Variants in ERI2 observed in about 807,000 individuals in gnomAD.
The protein encoded by ERI2 is ERI1 exoribonuclease family member 2.
ERI2 carries 35 observed loss-of-function variants against 46.8 expected under a neutral mutation model. That is an observed-to-expected ratio of 0.75 (90% confidence interval 0.57 to 0.99). ERI2 has a LOEUF of 0.99. Among genes scored for constraint, ERI2 ranks in the 50% least tolerant of loss-of-function variants. The pLI, the probability that ERI2 is intolerant of heterozygous loss-of-function variation, is 0.00. For synonymous variants in ERI2, 224 were observed against 271.0 expected (o/e 0.83, Z 1.70); for missense variants, 695 against 796.2 (o/e 0.87, Z 1.53).
rs201784927 is a variant in ERI2, at chr16:20,786,031, T to G, written c.894+3448A>C. 398 of 1,330,242 alleles carry G rather than the reference T, an allele frequency of 3.0e-4. 1 individual carries two copies. Among genetic ancestry groups the G allele is most frequent in the Non-Finnish European group, 3.6e-4 (356 of 975,752 alleles). 82.4% of individuals were successfully genotyped at this position (1,330,242 alleles called of 1,614,324 possible). On this transcript the variant is annotated intron_variant, in intron 10 of 10. Coordinates refer to the ERI2 transcript ENST00000300005. Reference sequence around the variant, plus strand: ...ATGAATGCATGATAGATGAATAAATTTTAAGTGACTTGTAATGTTATCTTA... The same window carrying G: ...ATGAATGCATGATAGATGAATAAATGTTAAGTGACTTGTAATGTTATCTTA...
intron 10 of ERI2, chr16:20,784,943 A>AT (rs781063792): frequency 3.5e-5 from 55 of 1,582,692 alleles, no homozygotes; most frequent in Admixed American, 2.3e-4. Context: ...ACTTCTCTCC[A>AT]TTTTTCCTCC....
At chr16:20,787,564 T>C (rs1370757706) in intron 10 of ERI2, among the ~76,000 whole-genome samples, 6 of 152,220 alleles carry the variant, frequency 3.9e-5, no homozygotes, top group Non-Finnish European at 8.8e-5. Flanking sequence ...TGAAATCTTG[T>C]GATTTTAACA....
chr16:20,783,234 A>G (rs2080392471), intron 10 of ERI2: 1 of 152,218 alleles, frequency 6.6e-6, no homozygotes, highest in African/African-American at 2.4e-5. Flanking sequence ...AAGGCAAAAT[A>G]TTAGAACAAA....
rs777640222 is a variant in ERI2 at position 20,798,655 on chromosome 16, G to T, written c.1145C>A (p.Thr382Asn). ...TVGSELVLVS[T>N]TVPTVHHVSD... is the part of the protein sequence containing the mutation. ...AACATGATGAACAGTTGGAACGGTG[G>T]TAGAAACAAGTACCAATTCTGAACC... Residue 382 changes from threonine (T) to asparagine (N), a missense_variant, in exon 9 of 9, where the codon ACC becomes AAC. Coordinates refer to ENST00000357967, the MANE Select transcript of ERI2 (RefSeq NM_001142725.2). The T allele has an allele frequency of 3.2e-6, 5 of 1,551,502 alleles. No individual in the cohort carries two copies. Among genetic ancestry groups the T allele is most frequent in the Admixed American group, 2.0e-5 (1 of 50,976 alleles).
chr16:20,780,647 A>T, exon 11 of ERI2: 1 of 1,613,640 alleles, frequency 6.2e-7, no homozygotes, highest in Non-Finnish European at 8.5e-7. Flanking sequence ...GCTTCTCAAA[A>T]TTTTTCAGTG....
chr16:20,804,609 T>C (rs2152496212), intron 1 of ERI2, among the ~76,000 whole-genome samples: 1 of 152,024 alleles, frequency 6.6e-6, no homozygotes, highest in East Asian at 1.9e-4. Context: ...GAGACTGCAG[T>C]GAGCCGAGAT....
At chr16:20,791,271 T>C (rs1196211177) in intron 8 of ERI2, among the ~76,000 whole-genome samples, 2 of 152,208 alleles carry the variant, frequency 1.3e-5, no homozygotes, top group Admixed American at 1.3e-4. Flanking sequence ...AATTCTATTA[T>C]TGTGTAAAAC....
intron 4 of ERI2, 63 bp downstream of exon 4, chr16:20,802,733 T>C: frequency 6.6e-7 from 1 of 1,516,026 alleles, no homozygotes; most frequent in Non-Finnish European, 8.9e-7. Flanking sequence ...TAATTTCAAA[T>C]GGTATAATAA....
Position 20,800,364 on chromosome 16 carries a change from T to A in ERI2, c.499A>T (p.Arg167Ter), listed in dbSNP as rs756737728. Residue 167 changes from arginine to a stop codon, truncating the protein, a stop_gained, in exon 6 of 9, where the codon AGA becomes TGA. Transcript: ENST00000357967. LOFTEE classifies it high-confidence loss of function. ...AACACAGGTTTTAACAGCTGCTTTC[T>A]TTTACACTCATACTCCAGGCAAACC... ...LGVCLEYECK[R>*]KQLLKPVFLN... The A allele has an allele frequency of 8.1e-6, 13 of 1,610,692 alleles. No individual in the cohort carries two copies. Among genetic ancestry groups the A allele is most frequent in the Non-Finnish European group, 8.5e-6 (10 of 1,177,770 alleles).
intron 1 of ERI2, among the ~76,000 whole-genome samples, chr16:20,804,812 T>C (rs1163716991): frequency 2.6e-5 from 4 of 152,032 alleles, no homozygotes; most frequent in Non-Finnish European, 5.9e-5. Context: ...TTGCTAAGAG[T>C]GGGAAGTGCC....
At chr16:20,794,112 C>T (rs2080667299), downstream of ERI2, among the ~76,000 whole-genome samples, 1 of 152,130 alleles carries the variant, frequency 6.6e-6, no homozygotes, top group African/African-American at 2.4e-5. Flanking sequence ...ATGAACAAAA[C>T]GGCCATGTGC....
downstream of ERI2, chr16:20,792,697 C>T (rs896364667): frequency 1.2e-5 from 12 of 985,252 alleles, no homozygotes; most frequent in South Asian, 4.7e-5. Flanking sequence ...TGGAAACCAA[C>T]GAGGTCCCTG....
chr16:20,798,793 G>C lies in ERI2; in HGVS notation c.1007C>G (p.Ser336Cys), dbSNP rs1267662509. 6 of 1,551,520 alleles carry C rather than the reference G, an allele frequency of 3.9e-6. No homozygotes were observed. The highest frequency in any genetic ancestry group is 5.2e-6 in the Non-Finnish European group (6 of 1,146,914). ...AGACTGCAACTGCCCCACAGAAGTA[G>C]AGGACTTAGTATTAAAAAGAGGTAA... is the stretch of plus-strand genomic sequence containing the variant. ...SSLPLFNTKSSTSVGQLQSPT... is the reference protein window; with the variant it reads ...SSLPLFNTKSCTSVGQLQSPT... Residue 336 changes from serine to cysteine, a missense_variant, in exon 9 of 9, where the codon TCT becomes TGT. By Grantham distance (112) the Ser-to-Cys change is moderately radical. Transcript: ENST00000357967.
chr16:20,781,481 G>A lies in ERI2; in HGVS notation c.895-747C>T, dbSNP rs138697688. 1.3e-3 allele frequency among the ~76,000 whole-genome samples: 205 copies of A among 152,176 alleles called. 1 individual carries two copies. Among genetic ancestry groups the A allele is most frequent in the African/African-American group, 4.7e-3 (197 of 41,504 alleles). ...AATCTAGAGATGATTTAAAGTATACGGGAGGATATGCATAGGTTATATGCA... is the reference window on the plus strand; with the variant it reads ...AATCTAGAGATGATTTAAAGTATACAGGAGGATATGCATAGGTTATATGCA... On this transcript the variant is annotated intron_variant, in intron 10 of 10. Transcript: ENST00000300005.
In ERI2 at chr16:20,802,830, G is replaced by C; in HGVS notation, c.269C>G (p.Ser90Ter). 6.2e-7 allele frequency: 1 copy of C among 1,610,210 alleles called. No homozygotes were observed. ...YVQPQEHPIL[S>*]EFCMELTGIK... Reference sequence around the variant, plus strand: ...GCCTGTCAATTCCATGCAAAATTCTGAAAGAATTGGATGTTCCTGAGGTTG... The same window carrying C: ...GCCTGTCAATTCCATGCAAAATTCTCAAAGAATTGGATGTTCCTGAGGTTG... The change falls in exon 4 of 9, where the codon TCA (serine) becomes TGA (stop). Residue 90 changes from serine to a stop codon, truncating the protein, a stop_gained. Transcript: ENST00000357967. LOFTEE classifies it high-confidence loss of function.
In ERI2 at chr16:20,797,563, A is replaced by T. The variant is rs1022049501; in HGVS notation, c.*161T>A. The T allele has an allele frequency of 9.4e-6, 12 of 1,275,064 alleles. No homozygotes were observed. The highest frequency in any genetic ancestry group is 1.1e-5 in the Non-Finnish European group (11 of 1,011,742). The allele number at this position is 1,275,064 out of a possible 1,614,324, so 79.0% of individuals were successfully genotyped here. ...TGTTGCTTATTATATGTAATCTAAT[A>T]AATACTGTTTACAAAAGATTACACT... On this transcript the variant is annotated 3_prime_UTR_variant, in exon 9 of 9. Coordinates refer to ENST00000357967, the MANE Select transcript of ERI2 (RefSeq NM_001142725.2).
At chr16:20,805,545 A>T (rs948127357) in intron 1 of ERI2, among the ~76,000 whole-genome samples, 1 of 152,228 alleles carries the variant, frequency 6.6e-6, no homozygotes, top group African/African-American at 2.4e-5. Flanking sequence ...TTATTCAAAG[A>T]CCTGTGCTAA....
In ERI2 at chr16:20,790,659, C is replaced by A; in HGVS notation, c.815+191G>T. ...TATTGGCATTCAAGTTCTACCCAACCGACCATTTGGCCTTTTTACTCATTA... is the reference window on the plus strand; with the variant it reads ...TATTGGCATTCAAGTTCTACCCAACAGACCATTTGGCCTTTTTACTCATTA... On this transcript the variant is annotated intron_variant, in intron 9 of 10. Transcript: ENST00000300005. The surrounding 1 kb of genome is among the most constrained non-coding windows in gnomAD (Gnocchi z 4.0). 1 of 1,614,108 alleles carries A rather than the reference C, an allele frequency of 6.2e-7. No individual in the cohort carries two copies. Among genetic ancestry groups the A allele is most frequent in the Non-Finnish European group, 8.5e-7 (1 of 1,179,978 alleles).
intron 3 of ERI2, 37 bp downstream of exon 3, chr16:20,803,396 C>T (rs750055881): frequency 1.4e-5 from 23 of 1,597,156 alleles, no homozygotes; most frequent in Middle Eastern, 1.7e-4. Context: ...AGTGACTCAT[C>T]TAGTGCCAGC....
Sources: allele counts gnomAD v4.1 joint callset (sites outside exome capture counted in the v4.1 genomes callset), GRCh38; gene constraint gnomAD v4.1.1; non-coding constraint Gnocchi (gnomAD v3.1); transcripts MANE v1.5; gene names NCBI Gene and HGNC (gene_info 2026-07-23, HGNC 2026-07-21).